PLCH2: variants seen among roughly 807,000 people sequenced by gnomAD.
PLCH2 encodes the protein 1-phosphatidylinositol 4,5-bisphosphate phosphodiesterase eta-2.
PLCH2 carries 98 observed loss-of-function variants against 134.7 expected under a neutral mutation model. The ratio of observed to expected loss-of-function variants is 0.73; its 90% CI spans 0.62 to 0.86. The LOEUF is 0.86. Ranked by LOEUF, PLCH2 falls within the 40% of genes least tolerant of loss-of-function variation. The probability of loss-of-function intolerance (pLI) is 0.00; values close to 1 mark genes in which losing one functional copy is unlikely to be tolerated. For synonymous variants in PLCH2, 974 were observed against 827.5 expected, an observed-to-expected ratio of 1.18 and a Z score of -3.04; for missense variants, 1,994 against 1,986.6, an observed-to-expected ratio of 1.00 and a Z score of -0.07.
chr1:2,476,880 G>A (rs992283061), intron 1 of PLCH2, among the ~76,000 whole-genome samples, 168 bp downstream of exon 1: 10 of 152,132 alleles, frequency 6.6e-5, no homozygotes, highest in East Asian at 5.8e-4. Context: ...CAGCAGCGTC[G>A]GCTGGCCCTG....
intron 2 of PLCH2, among the ~76,000 whole-genome samples, chr1:2,453,274 C>T (rs1427335993): frequency 6.6e-6 from 1 of 152,234 alleles, no homozygotes; most frequent in Admixed American, 6.5e-5. Flanking sequence ...TCCCTGGGGC[C>T]CTTCCCCGTG....
intron 2 of PLCH2, among the ~76,000 whole-genome samples, chr1:2,433,784 C>T (rs777859172): frequency 1.4e-4 from 21 of 152,352 alleles, no homozygotes; most frequent in South Asian, 4.1e-4. Context: ...CCCGCTCCTT[C>T]GTGGCTTTGG....
intron 21 of PLCH2, chr1:2,503,173 T>C (rs1173284731): frequency 1.6e-6 from 1 of 620,242 alleles, no homozygotes; most frequent in Non-Finnish European, 2.9e-6. Context: ...CCAGCTGCTC[T>C]TGCTGAGGGT....
rs1435634709 is a variant in PLCH2, at chr1:2,495,537, A to C, written c.1802A>C (p.Glu601Ala). ...KKAASVEEGD[E>A]GQDSPGGQSR... ...GCGGCCAGCGTGGAGGAGGGAGATG[A>C]GGGTCAGGACTCCCCGGGAGGCCAG... The change falls in exon 13 of 22, where the codon GAG (glutamate) becomes GCG (alanine). Residue 601 changes from glutamate to alanine, a missense_variant. Around this residue, in one of 2 missense-constraint regions of PLCH2, gnomAD observed 1,094 missense variants for 1,234.3 expected, o/e 0.89. Transcript: ENST00000378486. The C allele has an allele frequency of 1.3e-6, 2 of 1,551,592 alleles. No homozygotes were observed. The highest frequency in any genetic ancestry group is 4.9e-5 in the East Asian group (2 of 40,960).
chr1:2,452,940 C>T (rs999736191), intron 2 of PLCH2, among the ~76,000 whole-genome samples: 8 of 152,302 alleles, frequency 5.3e-5, no homozygotes, highest in South Asian at 4.1e-4. Context: ...GCTTCTCAGG[C>T]GGGAAGTCCC....
chr1:2,456,197 G>A (rs1049814119), intron 2 of PLCH2, among the ~76,000 whole-genome samples: 5 of 152,178 alleles, frequency 3.3e-5, no homozygotes, highest in Non-Finnish European at 7.4e-5. Context: ...TTACCAAGCC[G>A]CCAGCACCAG....
chr1:2,495,163 C>T (rs1467326430), intron 12 of PLCH2, among the ~76,000 whole-genome samples: 1 of 152,204 alleles, frequency 6.6e-6, no homozygotes, highest in African/African-American at 2.4e-5. Context: ...GCCGAGCTAT[C>T]GGTTGCAGGT....
At chr1:2,479,589 G>A (rs2100651654) in intron 2 of PLCH2, 145 bp from the exon 3 acceptor site, 1 of 754,414 alleles carries the variant, frequency 1.3e-6, no homozygotes, top group Non-Finnish European at 2.1e-6. Context: ...CTTGGTTCTT[G>A]AACTCTGGAC....
In PLCH2 at chr1:2,479,892, C is replaced by T. The variant is rs773893025; in HGVS notation, c.430C>T (p.Arg144Cys). The T allele has an allele frequency of 8.7e-6, 14 of 1,611,924 alleles. No homozygotes were observed. The highest frequency in any genetic ancestry group is 3.3e-5 in the South Asian group (3 of 91,062). ...GGTCTCCACCAGCAGCGAGGTGGCGCGCACCTGGGTCACTGGCCTGCGCTA... is the reference window on the plus strand; with the variant it reads ...GGTCTCCACCAGCAGCGAGGTGGCGTGCACCTGGGTCACTGGCCTGCGCTA... ...DLVSTSSEVARTWVTGLRYLM... is the reference protein window; with the variant it reads ...DLVSTSSEVACTWVTGLRYLM... Residue 144 changes from arginine to cysteine, a missense_variant, in exon 3 of 22, where the codon CGC (arginine) becomes TGC (cysteine). Arg to Cys is a radical substitution (Grantham distance 180, BLOSUM62 -3). Coordinates refer to ENST00000378486, the MANE Select transcript of PLCH2 (RefSeq NM_014638.4).
At position 2,504,737 on chromosome 1, in the gene PLCH2, G is replaced by A. The variant is rs368031664; in HGVS notation, c.3775G>A (p.Asp1259Asn). Residue 1259 changes from aspartate (D) to asparagine (N), a missense_variant, in exon 22 of 22, where the codon GAC (aspartate) becomes AAC (asparagine). Coordinates refer to ENST00000378486, the MANE Select transcript of PLCH2 (RefSeq NM_014638.4). ...PVAAKSKSLG[D>N]LTADDFAPSF... The stretch of plus-strand genomic sequence containing the variant: ...GGCTGCCAAGTCCAAGAGCCTGGGC[G>A]ACCTCACTGCTGATGACTTTGCCCC... 8.1e-6 allele frequency: 13 copies of A among 1,612,360 alleles called. No homozygotes were observed. The highest frequency in any genetic ancestry group is 2.7e-5 in the African/African-American group (2 of 74,898).
intron 9 of PLCH2, 127 bp from the exon 10 acceptor site, chr1:2,489,633 G>A (rs1642461018): frequency 1.2e-6 from 1 of 806,106 alleles, no homozygotes; most frequent in Non-Finnish European, 2.0e-6. Flanking sequence ...CTGCCCCATG[G>A]CTGAGATGCC....
At chr1:2,497,237 G>A (rs950645611) in intron 15 of PLCH2, among the ~76,000 whole-genome samples, 2 of 152,254 alleles carry the variant, frequency 1.3e-5, no homozygotes, top group African/African-American at 4.8e-5. Context: ...ATGTGGGAGC[G>A]ATGGTGCAGG....
At chr1:2,481,844 G>GAGCC (rs1346455631) in intron 4 of PLCH2, among the ~76,000 whole-genome samples, 4 of 152,262 alleles carry the variant, frequency 2.6e-5, no homozygotes, top group Admixed American at 1.3e-4. Context: ...GGGCCCTGCA[G>GAGCC]AGCCGAGAGA....
chr1:2,493,047 G>A (rs1642681969), intron 11 of PLCH2: 1 of 152,222 alleles, frequency 6.6e-6, no homozygotes, highest in Non-Finnish European at 1.5e-5. Flanking sequence ...CAGAGGCAGG[G>A]CTGGGGGGCC....
the PLCH2 span, among the ~76,000 whole-genome samples, chr1:2,419,431 G>A: frequency 4.0e-3 from 609 of 152,298 alleles, 2 homozygotes; most frequent in Middle Eastern, 0.024. Context: ...GATCGAAGGG[G>A]CGCCTGTGCG....
chr1:2,486,505 G>A (rs531844403), intron 5 of PLCH2, among the ~76,000 whole-genome samples: 3 of 152,336 alleles, frequency 2.0e-5, no homozygotes, highest in African/African-American at 7.2e-5. Context: ...AGTGTGTGAC[G>A]GCTTGGGCAG....
intron 2 of PLCH2, among the ~76,000 whole-genome samples, chr1:2,435,956 C>T (rs1328588191): frequency 2.7e-5 from 4 of 147,960 alleles, no homozygotes; most frequent in Middle Eastern, 3.5e-3. Context: ...CTCCTCTCCT[C>T]CTCCCTCCTC....
At chr1:2,494,148 C>T (rs961251001) in intron 11 of PLCH2, among the ~76,000 whole-genome samples, 1 of 152,120 alleles carries the variant, frequency 6.6e-6, no homozygotes, top group Admixed American at 6.5e-5. Context: ...ACAGCTGGGC[C>T]ATGTTTTGGA....
chr1:2,487,435 G>A (rs1429970147), intron 7 of PLCH2, 59 bp downstream of exon 7: 3 of 1,511,462 alleles, frequency 2.0e-6, no homozygotes, highest in Non-Finnish European at 1.8e-6. Context: ...GAGATGGGCT[G>A]CACCTGAGGA....
Sources: gnomAD v4.1 joint callset for allele counts (sites outside exome capture counted in the v4.1 genomes callset) on GRCh38, gnomAD v4.1.1 for gene constraint, gnomAD v4.1.1 regional missense constraint, MANE v1.5 for transcripts, NCBI Gene and HGNC (gene_info 2026-07-23, HGNC 2026-07-21) for gene names.